Variants in TTLL11 observed in about 807,000 individuals in gnomAD.
The protein encoded by TTLL11 is tubulin polyglutamylase TTLL11.
Under a neutral mutation model 51.7 loss-of-function variants are expected in TTLL11, and 42 were observed. That is an observed-to-expected ratio of 0.81 (90% CI 0.64 to 1.05). The LOEUF is 1.05. Among genes scored for constraint, TTLL11 ranks in the 50% least tolerant of loss-of-function variants. The pLI is 0.00. For synonymous variants in TTLL11, 381 were observed against 383.5 expected, an observed-to-expected ratio of 0.99 and a Z score of 0.08; for missense variants, 799 against 940.4, an observed-to-expected ratio of 0.85 and a Z score of 1.97.
At chr9:121,986,021 G>A (rs549727887) in intron 4 of TTLL11, among the ~76,000 whole-genome samples, 20 of 152,284 alleles carry the variant, frequency 1.3e-4, no homozygotes, top group African/African-American at 4.8e-4. Flanking sequence ...GCCCAAGTTC[G>A]CACAGCTGGG....
chr9:122,065,172 A>G (rs1304666348), intron 1 of TTLL11, among the ~76,000 whole-genome samples: 1 of 152,228 alleles, frequency 6.6e-6, no homozygotes, highest in Non-Finnish European at 1.5e-5. Context: ...AGGATCAGAC[A>G]AGTTTGGGAG....
intron 6 of TTLL11, among the ~76,000 whole-genome samples, chr9:121,913,009 A>G (rs1185379353): frequency 6.6e-6 from 1 of 152,128 alleles, no homozygotes; most frequent in African/African-American, 2.4e-5. Context: ...CCTTCAAGGT[A>G]GTTCCTCCTG....
At chr9:121,858,133 G>A (rs1837884687) in intron 8 of TTLL11, among the ~76,000 whole-genome samples, 1 of 152,344 alleles carries the variant, frequency 6.6e-6, no homozygotes, top group Middle Eastern at 3.4e-3. Context: ...TCCATCTCAC[G>A]CCTCTCCTGG....
At chr9:122,059,390 C>T (rs182886022) in intron 1 of TTLL11, among the ~76,000 whole-genome samples, 14 of 152,214 alleles carry the variant, frequency 9.2e-5, no homozygotes, top group Admixed American at 6.5e-4. Flanking sequence ...TACAGGTAAG[C>T]GCTATTATCA....
chr9:122,048,117 T>C (rs1845067066), intron 1 of TTLL11, among the ~76,000 whole-genome samples: 1 of 152,170 alleles, frequency 6.6e-6, no homozygotes, highest in Non-Finnish European at 1.5e-5. Context: ...TCCTCTTTAG[T>C]CTACCTGACA....
At chr9:122,076,568 A>G (rs947583354) in intron 1 of TTLL11, among the ~76,000 whole-genome samples, 1 of 152,184 alleles carries the variant, frequency 6.6e-6, no homozygotes, top group African/African-American at 2.4e-5. Flanking sequence ...TATAACCAAA[A>G]GAAAAGTCTA....
At chr9:121,907,140 C>G (rs1158774024) in intron 6 of TTLL11, among the ~76,000 whole-genome samples, 3 of 152,202 alleles carry the variant, frequency 2.0e-5, no homozygotes, top group Admixed American at 6.5e-5. Context: ...TTTGTTCAGT[C>G]CACCAGGGTC....
At chr9:121,987,212 T>G (rs1842963056) in intron 4 of TTLL11, among the ~76,000 whole-genome samples, 1 of 152,146 alleles carries the variant, frequency 6.6e-6, no homozygotes, top group South Asian at 2.1e-4. Context: ...AGAAACACAC[T>G]AGTTGGAGAT....
chr9:122,074,013 C>T (rs544104034), intron 1 of TTLL11, among the ~76,000 whole-genome samples: 1 of 152,314 alleles, frequency 6.6e-6, no homozygotes, highest in African/African-American at 2.4e-5. Flanking sequence ...TGGCTTACAC[C>T]TGTAATCCCA....
At chr9:121,885,993 T>G (rs1838999274) in intron 6 of TTLL11, among the ~76,000 whole-genome samples, 1 of 152,214 alleles carries the variant, frequency 6.6e-6, no homozygotes, top group Non-Finnish European at 1.5e-5. Flanking sequence ...ACTCCCAAAG[T>G]GCTGGGATTA....
At chr9:121,923,962 A>G (rs1264847762) in intron 6 of TTLL11, among the ~76,000 whole-genome samples, 1 of 152,140 alleles carries the variant, frequency 6.6e-6, no homozygotes, top group East Asian at 1.9e-4. Context: ...TGGCTGCCAT[A>G]TCTTATGAGA....
In TTLL11 at chr9:121,915,996, C is replaced by CACAT. The variant is rs1840310287; in HGVS notation, c.1482-45249_1482-45248insATGT. ...ATAGACAAAGACACACACATACACA[C>CACAT]ACACACACACACACACACACACACA... On this transcript the variant is annotated intron_variant, in intron 6 of 8. Transcript: ENST00000321582. Among the ~76,000 whole-genome samples, 5 of 33,944 alleles carry CACAT rather than the reference C, an allele frequency of 1.5e-4. No individual in the cohort carries two copies. In the South Asian group the frequency reaches 5.4e-3, roughly 37 times the overall value. The allele number at this position is 33,944 out of a possible 152,430, so 22.3% of individuals were successfully genotyped here.
intron 7 of TTLL11, among the ~76,000 whole-genome samples, chr9:121,869,114 G>A (rs1186676502): frequency 6.6e-6 from 1 of 152,120 alleles, no homozygotes; most frequent in East Asian, 1.9e-4. Context: ...TCTTTCCACT[G>A]GGCTTCCCTC....
At chr9:121,846,008 A>C (rs1837505667) in intron 8 of TTLL11, among the ~76,000 whole-genome samples, 1 of 152,184 alleles carries the variant, frequency 6.6e-6, no homozygotes, top group Non-Finnish European at 1.5e-5. Flanking sequence ...ACCCAACTGA[A>C]ACACAGCTTA....
intron 3 of TTLL11, among the ~76,000 whole-genome samples, chr9:122,026,437 C>CAAA (rs59569615): frequency 1.3e-5 from 1 of 74,642 alleles, no homozygotes; most frequent in African/African-American, 4.5e-5. Context: ...GACTCCATTT[C>CAAA]AAAAAAAAAA....
At chr9:121,831,929 G>A (rs1462318528) in intron 8 of TTLL11, among the ~76,000 whole-genome samples, 1 of 152,086 alleles carries the variant, frequency 6.6e-6, no homozygotes, top group East Asian at 1.9e-4. Context: ...CTGAGATTGG[G>A]GTGCCAGCAC....
At chr9:121,959,985 C>G (rs1257112458) in intron 6 of TTLL11, among the ~76,000 whole-genome samples, 1 of 151,984 alleles carries the variant, frequency 6.6e-6, no homozygotes, top group Non-Finnish European at 1.5e-5. Context: ...ATTCTAAAAC[C>G]TATACAGCCA....
intron 4 of TTLL11, among the ~76,000 whole-genome samples, chr9:121,983,771 A>G (rs1382984061): frequency 6.6e-6 from 1 of 152,062 alleles, no homozygotes. Context: ...CTTACAAGGG[A>G]CTGGAGTTCT....
At chr9:122,001,527 G>C (rs192875726) in intron 3 of TTLL11, among the ~76,000 whole-genome samples, 48 of 149,946 alleles carry the variant, frequency 3.2e-4, no homozygotes, top group Non-Finnish European at 5.0e-4. Context: ...AGGGGGAAGG[G>C]GGGGCGGGAC....
Sources: gnomAD v4.1 joint callset for allele counts (sites outside exome capture counted in the v4.1 genomes callset) on GRCh38, gnomAD v4.1.1 for gene constraint, MANE v1.5 for transcripts, NCBI Gene and HGNC (gene_info 2026-07-23, HGNC 2026-07-21) for gene names.